Variants in LNPEP observed in about 807,000 individuals in gnomAD.
LNPEP encodes leucyl and cystinyl aminopeptidase.
LNPEP carries 64 observed loss-of-function variants against 120.6 expected under a neutral mutation model. The ratio of observed to expected loss-of-function variants is 0.53; its 90% CI spans 0.43 to 0.65. The LOEUF is 0.65. LNPEP is among the 30% of genes least tolerant of loss of function. The probability of loss-of-function intolerance (pLI) is 0.00; values close to 1 mark genes in which losing one functional copy is unlikely to be tolerated. For synonymous variants in LNPEP, 435 were observed against 425.4 expected, an observed-to-expected ratio of 1.02 and a Z score of -0.28; for missense variants, 1,057 against 1,200.0, an observed-to-expected ratio of 0.88 and a Z score of 1.76.
At chr5:97,027,366 A>G (rs1403643054) in intron 16 of LNPEP, among the ~76,000 whole-genome samples, 2 of 151,792 alleles carry the variant, frequency 1.3e-5, no homozygotes, top group Non-Finnish European at 2.9e-5. Flanking sequence ...AAAAAAAAAC[A>G]AAAAGGAAAA....
intron 2 of LNPEP, among the ~76,000 whole-genome samples, chr5:96,984,478 A>G (rs1790195953): frequency 6.6e-6 from 1 of 152,154 alleles, no homozygotes; most frequent in South Asian, 2.1e-4. Context: ...TCAGACCTCC[A>G]GTAATTGTTT....
intron 14 of LNPEP, among the ~76,000 whole-genome samples, chr5:97,023,547 C>T (rs962193571): frequency 1.3e-5 from 2 of 152,296 alleles, no homozygotes; most frequent in East Asian, 1.9e-4. Context: ...AGCCACCATA[C>T]CTGGCTAAAA....
intron 1 of LNPEP, chr5:96,958,504 C>T: frequency 2.0e-6 from 2 of 985,246 alleles, no homozygotes; most frequent in South Asian, 4.7e-5. Context: ...GAATGTCAGG[C>T]ATGTTGTGGG....
At chr5:96,993,759 T>C in intron 5 of LNPEP, 58 bp from the exon 6 acceptor site, 1 of 1,478,568 alleles carries the variant, frequency 6.8e-7, no homozygotes, top group East Asian at 2.3e-5. Context: ...TAAAATACTT[T>C]GAGTAGAAAA....
chr5:96,999,446 A>T (rs1020711870), intron 8 of LNPEP, among the ~76,000 whole-genome samples: 1 of 152,198 alleles, frequency 6.6e-6, no homozygotes, highest in African/African-American at 2.4e-5. Flanking sequence ...GAATTATTGT[A>T]CAGGTACTAT....
chr5:97,008,854 C>A (rs1582024626), intron 11 of LNPEP, among the ~76,000 whole-genome samples: 1 of 151,748 alleles, frequency 6.6e-6, no homozygotes, highest in East Asian at 1.9e-4. Flanking sequence ...TTAGTAGAGA[C>A]GGGGTTTCAC....
intron 14 of LNPEP, among the ~76,000 whole-genome samples, chr5:97,023,837 C>T (rs952629113): frequency 6.6e-6 from 1 of 152,144 alleles, no homozygotes; most frequent in Non-Finnish European, 1.5e-5. Flanking sequence ...ACCATCATTC[C>T]AATTTCTCTA....
Position 96,936,140 on chromosome 5 carries a change from C to T in LNPEP, c.-16C>T. On this transcript the variant is annotated 5_prime_UTR_variant, in exon 1 of 18. Coordinates refer to ENST00000231368, the MANE Select transcript of LNPEP (RefSeq NM_005575.3). The stretch of plus-strand genomic sequence containing the variant: ...GCTCGGGCGCTCCGGCTGTAAGGAG[C>T]CGCGGCGGGGGGAAAATGGAGCCCT... 6.6e-7 allele frequency: 1 copy of T among 1,507,252 alleles called. No individual in the cohort carries two copies. Among genetic ancestry groups the T allele is most frequent in the Admixed American group, 2.2e-5 (1 of 46,328 alleles). The allele number at this position is 1,507,252 out of a possible 1,614,324, so 93.4% of individuals were successfully genotyped here. A position where few individuals can be genotyped will look rare whatever the true frequency, so the allele number is the denominator to read the frequency against.
Position 97,033,853 on chromosome 5 carries a change from A to G in LNPEP, c.*5320A>G, listed in dbSNP as rs1023815481. The G allele has an allele frequency of 3.3e-5, 5 of 152,100 alleles. No homozygotes were observed. The highest frequency in any genetic ancestry group is 1.2e-4 in the African/African-American group (5 of 41,404). The allele number at this position is 152,100 out of a possible 1,614,324, so 9.4% of individuals were successfully genotyped here. The stretch of plus-strand genomic sequence containing the variant: ...TGGATGTGTAGGTTCCTAATGAGCC[A>G]TGGAGTTATGGATGTATAACAATCT... On this transcript the variant is annotated 3_prime_UTR_variant, in exon 18 of 18. Transcript: ENST00000231368.
At position 96,978,420 on chromosome 5, in the gene LNPEP, A is replaced by G. The variant is rs79129864; in HGVS notation, c.20-718A>G. ...ACAGATTGAATTATAATTTTATCTGACTTTTATTGTCTTTTGATCTTTTTA... is the reference window on the plus strand; with the variant it reads ...ACAGATTGAATTATAATTTTATCTGGCTTTTATTGTCTTTTGATCTTTTTA... On this transcript the variant is annotated intron_variant, in intron 1 of 17. Coordinates refer to ENST00000231368, the MANE Select transcript of LNPEP (RefSeq NM_005575.3). Among the ~76,000 whole-genome samples the G allele has an allele frequency of 3.2e-4, 48 of 152,232 alleles. 1 individual carries two copies. The highest frequency in any genetic ancestry group is 1.1e-3 in the African/African-American group (46 of 41,548).
intron 16 of LNPEP, 56 bp from the exon 17 acceptor site, chr5:97,027,677 C>A: frequency 9.0e-7 from 1 of 1,114,820 alleles, no homozygotes; most frequent in Non-Finnish European, 1.4e-6. Flanking sequence ...CACTCAGGAA[C>A]AACGCTTTAC....
chr5:96,979,431 G>A lies in LNPEP; in HGVS notation c.313G>A (p.Val105Ile). ...GCAGAGCCCAGATGGGGCTTGTTCA[G>A]TACCCTCTGCAAGGACCATGGTGGT... ...YRQSPDGACS[V>I]PSARTMVVCA... Residue 105 changes from valine (V) to isoleucine (I), a missense_variant, in exon 2 of 18, where the codon GTA (valine) becomes ATA (isoleucine). By Grantham distance (29) the Val-to-Ile change is conservative. Transcript: ENST00000231368. The A allele has an allele frequency of 2.5e-6, 4 of 1,614,106 alleles. No homozygotes were observed. The highest frequency in any genetic ancestry group is 1.3e-5 in the African/African-American group (1 of 75,038).
chr5:97,008,641 C>A (rs920886781), intron 11 of LNPEP, among the ~76,000 whole-genome samples: 2 of 146,626 alleles, frequency 1.4e-5, no homozygotes, highest in Non-Finnish European at 3.0e-5. Flanking sequence ...CATGAGCCAC[C>A]GCACCTGGCT....
intron 1 of LNPEP, among the ~76,000 whole-genome samples, chr5:96,955,642 G>A (rs542743530): frequency 5.6e-4 from 86 of 152,254 alleles, no homozygotes; most frequent in Non-Finnish European, 1.2e-3. Context: ...AAAAAAATTG[G>A]TGAATAGTAT....
At chr5:96,942,625 G>T (rs1394087380) in intron 1 of LNPEP, among the ~76,000 whole-genome samples, 2 of 143,300 alleles carry the variant, frequency 1.4e-5, no homozygotes, top group Non-Finnish European at 3.0e-5. Flanking sequence ...CTGCATTCCA[G>T]CCTGGTGACA....
intron 1 of LNPEP, among the ~76,000 whole-genome samples, chr5:96,958,150 T>G (rs1209985319): frequency 6.6e-6 from 1 of 152,206 alleles, no homozygotes; most frequent in Non-Finnish European, 1.5e-5. Flanking sequence ...CTCACCCCTG[T>G]GTGTTTTGCT....
chr5:97,028,667 C>T lies in LNPEP; in HGVS notation c.*134C>T, dbSNP rs114804425. 4.0e-3 allele frequency: 3,187 copies of T among 789,510 alleles called. 12 individuals carry two copies. The highest frequency in any genetic ancestry group is 0.012 in the Middle Eastern group (30 of 2,602). 48.9% of individuals were successfully genotyped at this position (789,510 alleles called of 1,614,324 possible). A position where few individuals can be genotyped will look rare whatever the true frequency, so the allele number is the denominator to read the frequency against. ...GCACTCTTTGGAGTTCTAGTTAGCT[C>T]AGGGCCTGACTGTATTTTTCATCCA... On this transcript the variant is annotated 3_prime_UTR_variant, in exon 18 of 18. Coordinates refer to ENST00000231368, the MANE Select transcript of LNPEP (RefSeq NM_005575.3).
At chr5:96,942,545 TCG>T (rs1464537594) in intron 1 of LNPEP, among the ~76,000 whole-genome samples, 2 of 150,656 alleles carry the variant, frequency 1.3e-5, no homozygotes, top group African/African-American at 4.9e-5. Flanking sequence ...TCCCAGCTAC[TCG>T]GGAGGCTGAG....
chr5:96,946,807 A>C (rs1354190868), intron 1 of LNPEP, among the ~76,000 whole-genome samples: 2 of 152,206 alleles, frequency 1.3e-5, no homozygotes, highest in African/African-American at 4.8e-5. Flanking sequence ...ATTATCTGCA[A>C]GGTAATTTTT....
Sources: allele counts gnomAD v4.1 joint callset (sites outside exome capture counted in the v4.1 genomes callset), GRCh38; gene constraint gnomAD v4.1.1; transcripts MANE v1.5; gene names NCBI Gene and HGNC (gene_info 2026-07-23, HGNC 2026-07-21).